KIF26B: variants seen among roughly 807,000 people sequenced by gnomAD.
KIF26B encodes kinesin-like protein KIF26B.
Under a neutral mutation model 151.2 loss-of-function variants are expected in KIF26B, and 63 were observed. The ratio of observed to expected loss-of-function variants is 0.42; its 90% confidence interval spans 0.34 to 0.51. The LOEUF is 0.51. KIF26B is among the 20% of genes least tolerant of loss of function. The pLI is 0.07. For synonymous variants in KIF26B, 1,357 were observed against 1,262.1 expected (o/e 1.08, Z -1.59); for missense variants, 2,813 against 2,913.6 (o/e 0.97, Z 0.79).
intron 2 of KIF26B, among the ~76,000 whole-genome samples, chr1:245,285,098 A>G (rs1437804798): frequency 6.6e-6 from 1 of 152,208 alleles, no homozygotes; most frequent in African/African-American, 2.4e-5. Flanking sequence ...TGTGTCTGGG[A>G]GTCAGTTAGG....
intron 2 of KIF26B, among the ~76,000 whole-genome samples, chr1:245,246,479 C>G (rs1670332548): frequency 6.6e-6 from 1 of 152,240 alleles, no homozygotes; most frequent in South Asian, 2.1e-4. Flanking sequence ...AGAGCTGCTG[C>G]TCTGAGTCCC....
Position 245,516,977 on chromosome 1 carries a change from C to T in KIF26B, c.1167-23790C>T, listed in dbSNP as rs12728371. Among the ~76,000 whole-genome samples, 1 of 152,206 alleles carries T rather than the reference C, an allele frequency of 6.6e-6. No individual in the cohort carries two copies. The highest frequency in any genetic ancestry group is 1.9e-4 in the East Asian group (1 of 5,194). ...TTTCACCCCCACCTGACCATGGTCGCAGTGGGGGGCTTTCTCTTGGTATTT... is the reference window on the plus strand; with the variant it reads ...TTTCACCCCCACCTGACCATGGTCGTAGTGGGGGGCTTTCTCTTGGTATTT... On this transcript the variant is annotated intron_variant, in intron 4 of 14. Transcript: ENST00000407071. The surrounding 1 kb of genome is among the most constrained non-coding windows in gnomAD (Gnocchi z 4.2).
At chr1:245,668,132 G>A (rs1487086902) in intron 10 of KIF26B, among the ~76,000 whole-genome samples, 1 of 152,024 alleles carries the variant, frequency 6.6e-6, no homozygotes, top group Non-Finnish European at 1.5e-5. Flanking sequence ...CTGACCTCAA[G>A]TGATCAGCCT....
chr1:245,244,458 A>G lies in KIF26B; in HGVS notation c.465+87775A>G, dbSNP rs1046454983. On this transcript the variant is annotated intron_variant, in intron 2 of 14. Transcript: ENST00000407071. The surrounding 1 kb of genome is among the most constrained non-coding windows in gnomAD (Gnocchi z 4.2). ...ATTTTGCTTTTAAAGTTCTGTGACT[A>G]TGGGATGGCACTCTAAGCTTCAGCT... Among the ~76,000 whole-genome samples, 2 of 152,090 alleles carry G rather than the reference A, an allele frequency of 1.3e-5. No homozygotes were observed. Among genetic ancestry groups the G allele is most frequent in the Non-Finnish European group, 2.9e-5 (2 of 68,014 alleles).
intron 2 of KIF26B, among the ~76,000 whole-genome samples, chr1:245,340,357 G>GA (rs10711512): frequency 4.0e-5 from 6 of 151,758 alleles, no homozygotes; most frequent in African/African-American, 9.7e-5. Flanking sequence ...TAATGACAAG[G>GA]AAAAAAACTC....
intron 4 of KIF26B, among the ~76,000 whole-genome samples, chr1:245,492,423 G>A (rs1660427484): frequency 1.3e-5 from 2 of 152,188 alleles, no homozygotes; most frequent in Admixed American, 6.5e-5. Flanking sequence ...ACTATCAACC[G>A]TCATCTTTAG....
chr1:245,614,322 C>T (rs2043561173), intron 9 of KIF26B, among the ~76,000 whole-genome samples: 1 of 152,134 alleles, frequency 6.6e-6, no homozygotes, highest in Non-Finnish European at 1.5e-5. Context: ...ATACAGGTGC[C>T]CACCACCATG....
intron 5 of KIF26B, among the ~76,000 whole-genome samples, chr1:245,569,958 C>G (rs1394373389): frequency 1.3e-5 from 1 of 76,062 alleles, no homozygotes; most frequent in Non-Finnish European, 2.2e-5. Flanking sequence ...TTTTTTGAGA[C>G]GGAGTCTTGC....
intron 4 of KIF26B, among the ~76,000 whole-genome samples, chr1:245,484,752 T>C (rs748663133): frequency 2.1e-5 from 2 of 94,096 alleles, no homozygotes; most frequent in African/African-American, 4.1e-5. Context: ...CTTCCTCTTC[T>C]TCTTCTTCTT....
At chr1:245,188,005 C>T (rs562393996) in intron 2 of KIF26B, among the ~76,000 whole-genome samples, 7 of 152,042 alleles carry the variant, frequency 4.6e-5, no homozygotes, top group East Asian at 1.9e-4. Context: ...CAAGGCCGGG[C>T]GCGGTGGCTC....
chr1:245,419,522 G>GTA, intron 3 of KIF26B, 57 bp from the exon 4 acceptor site: 1 of 1,509,198 alleles, frequency 6.6e-7, no homozygotes, highest in Non-Finnish European at 9.0e-7. Context: ...TGCTGTCAGT[G>GTA]GTCAGGAAAA....
rs1661586257 is a variant in KIF26B, at chr1:245,540,357, A to G, written c.1167-410A>G. Among the ~76,000 whole-genome samples the G allele has an allele frequency of 1.3e-5, 2 of 152,134 alleles. No individual in the cohort carries two copies. The highest frequency in any genetic ancestry group is 1.3e-4 in the Admixed American group (2 of 15,276). ...TCTTCATCAGACTGGTTTGGATTTT[A>G]CAAGGTGTTAGAGTTTTTAAATTAG... On this transcript the variant is annotated intron_variant, in intron 4 of 14. Transcript: ENST00000407071. The surrounding 1 kb of genome is among the most constrained non-coding windows in gnomAD (Gnocchi z 4.6).
At chr1:245,286,044 A>G (rs1371694304) in intron 2 of KIF26B, among the ~76,000 whole-genome samples, 1 of 151,384 alleles carries the variant, frequency 6.6e-6, no homozygotes, top group East Asian at 1.9e-4. Context: ...GAAAAAGAAC[A>G]TCAGGAGAAT....
intron 2 of KIF26B, among the ~76,000 whole-genome samples, chr1:245,214,835 C>G (rs558704377): frequency 6.6e-6 from 1 of 152,022 alleles, no homozygotes; most frequent in African/African-American, 2.4e-5. Context: ...AGCAAAACTC[C>G]GTCTGAAAAA....
At chr1:245,558,881 C>T (rs1662100880) in intron 5 of KIF26B, among the ~76,000 whole-genome samples, 1 of 152,204 alleles carries the variant, frequency 6.6e-6, no homozygotes, top group South Asian at 2.1e-4. Context: ...TGACTGAATG[C>T]ATTTTTCTGT....
chr1:245,663,195 G>T (rs554139870), intron 10 of KIF26B, among the ~76,000 whole-genome samples: 56 of 132,940 alleles, frequency 4.2e-4, no homozygotes, highest in African/African-American at 1.5e-3. Flanking sequence ...GTAAGCTGGG[G>T]CACTTACAAG....
At chr1:245,511,790 T>C (rs1413243812) in intron 4 of KIF26B, among the ~76,000 whole-genome samples, 1 of 152,242 alleles carries the variant, frequency 6.6e-6, no homozygotes, top group African/African-American at 2.4e-5. Flanking sequence ...TCCATCTTTC[T>C]GTGTGAGGGC....
intron 2 of KIF26B, among the ~76,000 whole-genome samples, chr1:245,335,830 G>A (rs1572010561): frequency 6.9e-6 from 1 of 145,506 alleles, no homozygotes; most frequent in Non-Finnish European, 1.5e-5. Flanking sequence ...AGAGCCCCAC[G>A]CGGAGAAGGA....
rs180978227 is a variant in KIF26B at position 245,233,906 on chromosome 1, G to C, written c.465+77223G>C. On this transcript the variant is annotated intron_variant, in intron 2 of 14. Transcript: ENST00000407071. ...ACTTAGAAATAATGTTTCGGGCTGGGCGCGGTGGCTCACACCTGTAATCCC... is the reference window on the plus strand; with the variant it reads ...ACTTAGAAATAATGTTTCGGGCTGGCCGCGGTGGCTCACACCTGTAATCCC... Among the ~76,000 whole-genome samples the C allele has an allele frequency of 3.2e-3, 491 of 152,270 alleles. 3 individuals carry two copies. Among genetic ancestry groups the C allele is most frequent in the African/African-American group, 0.011 (471 of 41,544 alleles).
Sources: allele counts gnomAD v4.1 joint callset (sites outside exome capture counted in the v4.1 genomes callset), GRCh38; gene constraint gnomAD v4.1.1; non-coding constraint Gnocchi (gnomAD v3.1); transcripts MANE v1.5; gene names NCBI Gene and HGNC (gene_info 2026-07-23, HGNC 2026-07-21).